Variants in SND1 observed in about 807,000 individuals in gnomAD.
SND1 encodes staphylococcal nuclease domain-containing protein 1.
SND1 carries 38 observed loss-of-function variants against 121.7 expected under a neutral mutation model. That is an observed-to-expected ratio of 0.31 (90% CI 0.24 to 0.41). The LOEUF (loss-of-function observed/expected upper bound fraction) is 0.41, where lower values mean the gene tolerates loss of function less well. Among genes scored for constraint, SND1 ranks in the 10% least tolerant of loss-of-function variants. The pLI is 1.00. For missense variants in SND1, 868 were observed against 1,184.6 expected (o/e 0.73, Z 3.92); for synonymous variants, 401 against 447.4 (o/e 0.90, Z 1.31).
intron 10 of SND1, among the ~76,000 whole-genome samples, chr7:127,793,707 C>T (rs750127404): frequency 6.6e-6 from 1 of 152,122 alleles, no homozygotes; most frequent in Non-Finnish European, 1.5e-5. Context: ...CAGATCAAGG[C>T]ACCAGTCTCA....
chr7:127,975,706 A>C (rs1346916328), intron 15 of SND1, among the ~76,000 whole-genome samples: 2 of 152,180 alleles, frequency 1.3e-5, no homozygotes, highest in Non-Finnish European at 1.5e-5. Flanking sequence ...GCTTTGGAAG[A>C]CATGTGAAGG....
intron 10 of SND1, among the ~76,000 whole-genome samples, chr7:127,722,954 A>G (rs1434887996): frequency 6.6e-6 from 1 of 152,214 alleles, no homozygotes; most frequent in African/African-American, 2.4e-5. Flanking sequence ...GAGTAAATAC[A>G]CATCTCCAAT....
At chr7:127,852,789 T>C (rs566352571) in intron 12 of SND1, among the ~76,000 whole-genome samples, 21 of 151,362 alleles carry the variant, frequency 1.4e-4, no homozygotes, top group African/African-American at 4.8e-4. Context: ...CTAGCCTGGG[T>C]GACAGAGCGA....
At chr7:128,074,114 C>T (rs1031510380) in intron 16 of SND1, among the ~76,000 whole-genome samples, 14 of 152,308 alleles carry the variant, frequency 9.2e-5, no homozygotes, top group African/African-American at 2.6e-4. Flanking sequence ...GGGGTTGCCT[C>T]GCTCCCTAAG....
intron 18 of SND1, 67 bp from the exon 19 acceptor site, chr7:128,084,657 G>C: frequency 6.6e-7 from 1 of 1,504,886 alleles, no homozygotes; most frequent in East Asian, 2.5e-5. Flanking sequence ...ACCACTCCCA[G>C]AAAAACCCTG....
intron 10 of SND1, among the ~76,000 whole-genome samples, chr7:127,793,750 T>C (rs1201843843): frequency 1.3e-5 from 2 of 152,156 alleles, no homozygotes; most frequent in Non-Finnish European, 2.9e-5. Context: ...ATGAAACAGC[T>C]GTGAACAGCT....
chr7:127,934,317 G>A (rs1359717029), intron 15 of SND1, among the ~76,000 whole-genome samples: 1 of 152,158 alleles, frequency 6.6e-6, no homozygotes, highest in Non-Finnish European at 1.5e-5. Flanking sequence ...AGGGTAGAGT[G>A]TGGGGTCAGG....
chr7:127,982,946 GGTCT>G (rs1802300411), intron 15 of SND1, among the ~76,000 whole-genome samples: 1 of 152,112 alleles, frequency 6.6e-6, no homozygotes, highest in African/African-American at 2.4e-5. Flanking sequence ...TTAGGCAGAT[GGTCT>G]GTCTGACTCT....
At chr7:127,972,852 T>C (rs1471565019) in intron 15 of SND1, among the ~76,000 whole-genome samples, 1 of 152,238 alleles carries the variant, frequency 6.6e-6, no homozygotes, top group Non-Finnish European at 1.5e-5. Flanking sequence ...AGTGTTGGGA[T>C]TACAGGCATG....
intron 1 of SND1, among the ~76,000 whole-genome samples, chr7:127,674,575 G>A (rs1168379960): frequency 1.3e-5 from 2 of 152,334 alleles, no homozygotes; most frequent in Admixed American, 6.5e-5. Context: ...GCCAGCTTGC[G>A]CTGACCAAGG....
chr7:128,085,747 C>T lies in SND1; in HGVS notation c.2271C>T (p.Ala757=). The T allele has an allele frequency of 6.2e-7, 1 of 1,614,090 alleles. No individual in the cohort carries two copies. The highest frequency in any genetic ancestry group is 1.1e-5 in the South Asian group (1 of 91,078). ...GAGTAGAGAAAGTCGAGTCTCCTGC[C>T]AAAATACATGTCTTCTACATTGACT... ...RARVEKVESP[A]KIHVFYIDYG... is the part of the protein sequence containing the mutation. The change falls in exon 20 of 24, where the codon GCC becomes GCT. Residue 757 remains alanine, a synonymous_variant. Transcript: ENST00000354725. The surrounding 1 kb of genome is among the most constrained non-coding windows in gnomAD (Gnocchi z 4.4).
rs369406229 is a variant in SND1, at chr7:128,029,431, G to A, written c.1779+38375G>A. On this transcript the variant is annotated intron_variant, in intron 16 of 23. Coordinates refer to ENST00000354725, the MANE Select transcript of SND1 (RefSeq NM_014390.4). The surrounding 1 kb of genome is among the most constrained non-coding windows in gnomAD (Gnocchi z 4.2). ...GAAAAGTTCAAGGTGCCGTCGTTGAGGACAGAGATCCTTGGGTGGCGGGAG... is the reference window on the plus strand; with the variant it reads ...GAAAAGTTCAAGGTGCCGTCGTTGAAGACAGAGATCCTTGGGTGGCGGGAG... 6 of 1,614,112 alleles carry A rather than the reference G, an allele frequency of 3.7e-6. No homozygotes were observed. Among genetic ancestry groups the A allele is most frequent in the Non-Finnish European group, 3.4e-6 (4 of 1,180,048 alleles).
intron 16 of SND1, among the ~76,000 whole-genome samples, chr7:128,024,092 G>C (rs1040809323): frequency 6.6e-6 from 1 of 151,286 alleles, no homozygotes; most frequent in African/African-American, 2.4e-5. Flanking sequence ...GTATTTCACT[G>C]ATCTAGTTGC....
chr7:127,926,549 CTTTTTTT>C (rs71160605), intron 14 of SND1, among the ~76,000 whole-genome samples: 36 of 90,548 alleles, frequency 4.0e-4, no homozygotes, highest in South Asian at 2.8e-3. Context: ...TTTTCTTTTT[CTTTTTTT>C]TTTTTTTTTT....
At chr7:127,794,233 G>A (rs1385101975) in intron 10 of SND1, among the ~76,000 whole-genome samples, 1 of 152,166 alleles carries the variant, frequency 6.6e-6, no homozygotes, top group African/African-American at 2.4e-5. Context: ...TAAAATATGT[G>A]GCACTAGACC....
At chr7:127,775,910 T>G (rs1041363087) in intron 10 of SND1, among the ~76,000 whole-genome samples, 5 of 152,168 alleles carry the variant, frequency 3.3e-5, no homozygotes, top group African/African-American at 1.2e-4. Context: ...AAACCTATGT[T>G]CACACACACT....
At chr7:127,738,716 G>C (rs1796824593) in intron 10 of SND1, among the ~76,000 whole-genome samples, 1 of 152,186 alleles carries the variant, frequency 6.6e-6, no homozygotes, top group South Asian at 2.1e-4. Flanking sequence ...TCCTCTCAGA[G>C]AGGATCATCT....
intron 15 of SND1, among the ~76,000 whole-genome samples, chr7:127,948,833 C>T (rs1450066291): frequency 6.6e-6 from 1 of 152,246 alleles, no homozygotes; most frequent in East Asian, 1.9e-4. Context: ...TCCCAGTTCT[C>T]TTCTTGTTAG....
intron 11 of SND1, among the ~76,000 whole-genome samples, chr7:127,822,299 G>A (rs1004718067): frequency 6.6e-6 from 1 of 152,158 alleles, no homozygotes; most frequent in Admixed American, 6.5e-5. Context: ...ACCAAAAATA[G>A]TGTCTTTGCA....
Sources: gnomAD v4.1 joint callset for allele counts (sites outside exome capture counted in the v4.1 genomes callset) on GRCh38, gnomAD v4.1.1 for gene constraint, Gnocchi (gnomAD v3.1) non-coding constraint, MANE v1.5 for transcripts, NCBI Gene and HGNC (gene_info 2026-07-23, HGNC 2026-07-21) for gene names.